GCN1: variants seen among roughly 807,000 people sequenced by gnomAD.
The protein encoded by GCN1 is GCN1 activator of EIF2AK4.
In GCN1, 90 loss-of-function variants were observed where a neutral mutation model predicts 288.4. That is an observed-to-expected ratio of 0.31 (90% confidence interval 0.26 to 0.37). The LOEUF is 0.37. GCN1 is among the 10% of genes least tolerant of loss of function. The pLI, the probability that GCN1 is intolerant of heterozygous loss-of-function variation, is 1.00. For missense variants in GCN1, 2,586 were observed against 3,419.9 expected (o/e 0.76, Z 6.08); for synonymous variants, 1,386 against 1,420.2 (o/e 0.98, Z 0.54).
Position 120,140,955 on chromosome 12 carries a change from G to A in GCN1, c.5898C>T (p.Pro1966=). 6.2e-7 allele frequency: 1 copy of A among 1,613,886 alleles called. No homozygotes were observed. Among genetic ancestry groups the A allele is most frequent in the Non-Finnish European group, 8.5e-7 (1 of 1,179,810 alleles). ...GAGACCTCAGGCCTTCCTCAAGGATGGGGATGATCTCGGGGAGGATTTTCT... is the reference window on the plus strand; with the variant it reads ...GAGACCTCAGGCCTTCCTCAAGGATAGGGATGATCTCGGGGAGGATTTTCT... The part of the protein sequence containing the change: ...LGEKILPEII[P]ILEEGLRSQK... The change falls in exon 45 of 58, where the codon CCC becomes CCT. Residue 1966 remains proline (P), a synonymous_variant. Coordinates refer to ENST00000300648, the MANE Select transcript of GCN1 (RefSeq NM_006836.2).
chr12:120,142,660 G>GC lies in GCN1; in HGVS notation c.5675dup (p.Arg1893ProfsTer29). ...GCACCACCAGCTGGGTGTCTGAGCG[G>GC]CCCATGTACAGCCCTGCCAACACCC... On this transcript the variant is annotated frameshift_variant, in exon 44 of 58. Transcript: ENST00000300648. LOFTEE classifies it high-confidence loss of function. This position sits in a 1 kb window ranked among gnomAD's most constrained non-coding sequence, Gnocchi z 4.9. The GC allele has an allele frequency of 6.2e-7, 1 of 1,614,072 alleles. No individual in the cohort carries two copies. The highest frequency in any genetic ancestry group is 8.5e-7 in the Non-Finnish European group (1 of 1,180,022).
intron 12 of GCN1, 104 bp downstream of exon 12, chr12:120,175,058 C>G (rs1878434583): frequency 1.1e-6 from 1 of 936,220 alleles, no homozygotes; most frequent in Admixed American, 2.4e-5. Flanking sequence ...ACCTGGGAGG[C>G]AGAGGTTGCA....
rs758929251 is a variant in GCN1 at position 120,178,634 on chromosome 12, A to G, written c.651T>C (p.Ser217=). 1.2e-6 allele frequency: 2 copies of G among 1,614,224 alleles called. No homozygotes were observed. The highest frequency in any genetic ancestry group is 2.2e-5 in the South Asian group (2 of 91,082). ...CTGCCTTGGCACTTGCCTTGTGCTG[A>G]CTGACCACGTCCATCTCCTTGTGAC... ...CTSHKEMDVV[S]QHKSALLDFY... is the part of the protein sequence containing the mutation. The change falls in exon 7 of 58, where the codon AGT becomes AGC. Residue 217 remains serine, a synonymous_variant. Transcript: ENST00000300648.
intron 34 of GCN1, 108 bp from the exon 35 acceptor site, chr12:120,150,151 C>T (rs1157745515): frequency 9.5e-7 from 1 of 1,054,506 alleles, no homozygotes; most frequent in East Asian, 2.6e-5. Flanking sequence ...CCTCTGGAAA[C>T]ACTCAGAAAC....
intron 33 of GCN1, among the ~76,000 whole-genome samples, chr12:120,152,440 T>TCA (rs1555300616): frequency 8.6e-6 from 1 of 116,854 alleles, no homozygotes; most frequent in Non-Finnish European, 1.7e-5. Flanking sequence ...ATATATATAT[T>TCA]TATATATATA....
intron 5 of GCN1, 134 bp from the exon 6 acceptor site, chr12:120,179,084 C>T: frequency 3.0e-6 from 2 of 670,114 alleles, no homozygotes; most frequent in Admixed American, 4.8e-5. Context: ...TCCCACTCAA[C>T]TCCAGCCAGC....
In GCN1 at chr12:120,144,623, A is replaced by G. The variant is rs111664847; in HGVS notation, c.5352+16T>C. The G allele has an allele frequency of 1.6e-3, 2,578 of 1,608,900 alleles. 12 individuals carry two copies. The Middle Eastern group carries it at 0.024, about 15-fold the overall frequency. The stretch of plus-strand genomic sequence containing the variant: ...CTCCTCAAGGACTCTACCCTTGCCA[A>G]GGTCATGGTACCTACTTTGAGGATA... On this transcript the variant is annotated intron_variant, in intron 41 of 57. Transcript: ENST00000300648. This position sits in a 1 kb window ranked among gnomAD's most constrained non-coding sequence, Gnocchi z 4.7.
chr12:120,150,794 G>A (rs989770191), intron 34 of GCN1, among the ~76,000 whole-genome samples: 20 of 151,930 alleles, frequency 1.3e-4, no homozygotes, highest in Admixed American at 4.6e-4. Flanking sequence ...AAAATTAGCC[G>A]GGCGTGGTGG....
At chr12:120,191,644 G>C (rs1879007810) in intron 1 of GCN1, among the ~76,000 whole-genome samples, 2 of 152,172 alleles carry the variant, frequency 1.3e-5, no homozygotes, top group South Asian at 4.1e-4. Context: ...ATGAATAAAA[G>C]AAACTGATGT....
In GCN1 at chr12:120,140,969, G is replaced by C. The variant is rs377633057; in HGVS notation, c.5884C>G (p.Pro1962Ala). Residue 1962 changes from proline (P) to alanine (A), a missense_variant, in exon 45 of 58, where the codon CCC (proline) becomes GCC (alanine). Physicochemically the swap from Pro to Ala is conservative, Grantham distance 27. Transcript: ENST00000300648. Reference protein sequence around the residue: ...LVRKLGEKILPEIIPILEEGL... With the variant: ...LVRKLGEKILAEIIPILEEGL... ...TCCTCAAGGATGGGGATGATCTCGG[G>C]GAGGATTTTCTCCCCTAACTTCCGC... The C allele has an allele frequency of 1.2e-6, 2 of 1,613,814 alleles. No homozygotes were observed. Among genetic ancestry groups the C allele is most frequent in the Non-Finnish European group, 1.7e-6 (2 of 1,179,868 alleles).
chr12:120,132,199 C>G (rs1014426108), intron 53 of GCN1, among the ~76,000 whole-genome samples, 177 bp from the exon 54 acceptor site: 1 of 152,218 alleles, frequency 6.6e-6, no homozygotes, highest in South Asian at 2.1e-4. Context: ...CCAGATTGGG[C>G]TGCCACTGGT....
Position 120,138,718 on chromosome 12 carries a change from G to GA in GCN1, c.6132dup (p.Leu2045SerfsTer10). 1 of 1,614,058 alleles carries GA rather than the reference G, an allele frequency of 6.2e-7. No individual in the cohort carries two copies. The highest frequency in any genetic ancestry group is 8.5e-7 in the Non-Finnish European group (1 of 1,179,902). Reference sequence around the variant, plus strand: ...ACCAGCTGCTTTAGTAAAAATGGGAGAATGTCCTCCAGAGCCTGGTGGCCG... The same window carrying GA: ...ACCAGCTGCTTTAGTAAAAATGGGAGAAATGTCCTCCAGAGCCTGGTGGCCG... On this transcript the variant is annotated frameshift_variant, in exon 46 of 58. Transcript: ENST00000300648. LOFTEE classifies it high-confidence loss of function.
At chr12:120,180,974 A>G (rs1878637775) in intron 5 of GCN1, among the ~76,000 whole-genome samples, 1 of 150,990 alleles carries the variant, frequency 6.6e-6, no homozygotes, top group South Asian at 2.1e-4. Flanking sequence ...CCTAGGCGAC[A>G]GAGCGAGACT....
intron 20 of GCN1, 63 bp downstream of exon 20, chr12:120,162,784 G>A: frequency 6.4e-7 from 1 of 1,559,988 alleles, no homozygotes; most frequent in Non-Finnish European, 8.8e-7. Context: ...CTCTCTTCCT[G>A]TACACTGTGA....
chr12:120,150,178 G>A (rs1457951934), intron 34 of GCN1, 135 bp from the exon 35 acceptor site: 1 of 792,206 alleles, frequency 1.3e-6, no homozygotes. Flanking sequence ...GGAACTAGTA[G>A]ATGCCCCATG....
At position 120,153,939 on chromosome 12, in the gene GCN1, G is replaced by A; in HGVS notation, c.3702-30C>T. On this transcript the variant is annotated intron_variant, in intron 31 of 57. Coordinates refer to ENST00000300648, the MANE Select transcript of GCN1 (RefSeq NM_006836.2). This position sits in a 1 kb window ranked among gnomAD's most constrained non-coding sequence, Gnocchi z 4.4. ...GAAAGAAGTGGGAGCACATCAGGAG[G>A]GGCAGTCAGGGGGCCTCCTCTGCCA... 6.3e-7 allele frequency: 1 copy of A among 1,595,414 alleles called. No individual in the cohort carries two copies. Among genetic ancestry groups the A allele is most frequent in the South Asian group, 1.1e-5 (1 of 89,250 alleles).
In GCN1 at chr12:120,136,628, G is replaced by C; in HGVS notation, c.6882C>G (p.Thr2294=). The C allele has an allele frequency of 1.2e-6, 2 of 1,614,182 alleles. No homozygotes were observed. The highest frequency in any genetic ancestry group is 2.2e-5 in the South Asian group (2 of 91,082). The change falls in exon 51 of 58, where the codon ACC becomes ACG. Residue 2294 remains threonine, a synonymous_variant. Coordinates refer to ENST00000300648, the MANE Select transcript of GCN1 (RefSeq NM_006836.2). The part of the protein sequence containing the change: ...AKALGLVIRL[T]SADALRPSVV... ...CGGAGGGCCTCAGGGCGTCAGCCGA[G>C]GTCAGGCGGATTACCAAGCCTAAGG...
rs1876927303 is a variant in GCN1, at chr12:120,134,363, T to C, written c.7245A>G (p.Ala2415=). 1 of 1,614,078 alleles carries C rather than the reference T, an allele frequency of 6.2e-7. No homozygotes were observed. The highest frequency in any genetic ancestry group is 8.5e-7 in the Non-Finnish European group (1 of 1,179,986). The change falls in exon 53 of 58, where the codon GCA becomes GCG. Residue 2415 remains alanine (A), a synonymous_variant. Coordinates refer to ENST00000300648, the MANE Select transcript of GCN1 (RefSeq NM_006836.2). The surrounding 1 kb of genome is among the most constrained non-coding windows in gnomAD (Gnocchi z 5.0). ...GGATGACGGCATCCACTTTGGCCCC[T>C]GCTCCCTGAATCACAAACCTCAGGG... ...LQALRFVIQG[A]GAKVDAVIRK...
chr12:120,162,420 C>T (rs200188510), intron 20 of GCN1, among the ~76,000 whole-genome samples: 1 of 152,172 alleles, frequency 6.6e-6, no homozygotes, highest in African/African-American at 2.4e-5. Context: ...AAAGCGACCC[C>T]AAGCCAGTAG....
Sources: gnomAD v4.1 joint callset for allele counts (sites outside exome capture counted in the v4.1 genomes callset) on GRCh38, gnomAD v4.1.1 for gene constraint, Gnocchi (gnomAD v3.1) non-coding constraint, MANE v1.5 for transcripts, NCBI Gene and HGNC (gene_info 2026-07-23, HGNC 2026-07-21) for gene names.